Variants in SHISA6 observed in about 807,000 individuals in gnomAD.
The protein encoded by SHISA6 is shisa family member 6.
Under a neutral mutation model 47.9 loss-of-function variants are expected in SHISA6, and 22 were observed. That is an observed-to-expected ratio of 0.46 (90% confidence interval 0.33 to 0.66). The LOEUF (loss-of-function observed/expected upper bound fraction) is 0.66, where lower values mean the gene tolerates loss of function less well. SHISA6 is among the 30% of genes least tolerant of loss of function. SHISA6 has a pLI of 0.02. For missense variants in SHISA6, 680 were observed against 764.6 expected (o/e 0.89, Z 1.30); for synonymous variants, 388 against 337.8 (o/e 1.15, Z -1.63).
At chr17:11,249,269 C>T (rs1405064777) in intron 1 of SHISA6, among the ~76,000 whole-genome samples, 1 of 151,998 alleles carries the variant, frequency 6.6e-6, no homozygotes, top group African/African-American at 2.4e-5. Flanking sequence ...AGAGACCTCC[C>T]GCCATCCAGT....
At chr17:11,508,287 C>T (rs2071516871) in intron 3 of SHISA6, among the ~76,000 whole-genome samples, 1 of 152,146 alleles carries the variant, frequency 6.6e-6, no homozygotes, top group African/African-American at 2.4e-5. Flanking sequence ...TTTGGAAGTC[C>T]AAGATCAAAG....
chr17:11,302,378 A>T (rs943831313), intron 2 of SHISA6, among the ~76,000 whole-genome samples: 1 of 152,156 alleles, frequency 6.6e-6, no homozygotes, highest in Non-Finnish European at 1.5e-5. Context: ...GCACATGAGG[A>T]ATTTGCTCTT....
chr17:11,322,569 A>G (rs571651464), intron 2 of SHISA6, among the ~76,000 whole-genome samples: 3 of 152,356 alleles, frequency 2.0e-5, no homozygotes, highest in African/African-American at 7.2e-5. Context: ...TGCGAAGGAC[A>G]TGCTGAGGAC....
intron 3 of SHISA6, among the ~76,000 whole-genome samples, chr17:11,483,725 A>G (rs969180306): frequency 2.0e-5 from 3 of 152,184 alleles, no homozygotes; most frequent in African/African-American, 7.2e-5. Context: ...TGGGAGGCCA[A>G]GGTGGGAGGA....
chr17:11,343,099 G>T (rs1911592172), intron 2 of SHISA6, among the ~76,000 whole-genome samples: 1 of 152,178 alleles, frequency 6.6e-6, no homozygotes, highest in African/African-American at 2.4e-5. Flanking sequence ...TCTCATTCCA[G>T]TTCCTTCTTT....
intron 3 of SHISA6, chr17:11,379,718 A>G (rs1244607072): frequency 7.1e-6 from 3 of 423,978 alleles, no homozygotes; most frequent in Non-Finnish European, 1.3e-5. Context: ...GACTTCCAAG[A>G]GACACCCATC....
At chr17:11,531,094 A>G (rs1313223845) in intron 3 of SHISA6, among the ~76,000 whole-genome samples, 1 of 152,108 alleles carries the variant, frequency 6.6e-6, no homozygotes, top group African/African-American at 2.4e-5. Flanking sequence ...ATTGATAAAC[A>G]AAGAAACAGC....
rs868408147 is a variant in SHISA6, at chr17:11,445,892, A to G, written c.895+66383A>G. 9.2e-5 allele frequency among the ~76,000 whole-genome samples: 14 copies of G among 152,230 alleles called. No homozygotes were observed. The East Asian group carries it at 1.2e-3, about 13-fold the overall frequency. On this transcript the variant is annotated intron_variant, in intron 3 of 5. Transcript: ENST00000441885. ...GCCCAGGCTGGAGGGCAGTGGTGCA[A>G]TCTTGGCTCACTGCAACCTCTGCCT...
Position 11,350,157 on chromosome 17 carries a change from A to AATTTATTT in SHISA6, c.800-29236_800-29229dup, listed in dbSNP as rs542515657. ...CAGGCAGGCACCGCCATGCCCGGCT[A>AATTTATTT]ATTTATTTATTTATTTATTTATTTA... On this transcript the variant is annotated intron_variant, in intron 2 of 5. Transcript: ENST00000441885. Among the ~76,000 whole-genome samples, 74 of 128,400 alleles carry AATTTATTT rather than the reference A, an allele frequency of 5.8e-4. 2 individuals are homozygous for AATTTATTT. The highest frequency in any genetic ancestry group is 4.0e-3 in the Middle Eastern group (1 of 248). The allele number at this position is 128,400 out of a possible 152,430, so 84.2% of individuals were successfully genotyped here. A position where few individuals can be genotyped will look rare whatever the true frequency, so the allele number is the denominator to read the frequency against.
intron 2 of SHISA6, among the ~76,000 whole-genome samples, chr17:11,277,276 TCTCTCACACACACACACACACA>T (rs1908947107): frequency 1.6e-5 from 1 of 62,646 alleles, no homozygotes; most frequent in African/African-American, 5.3e-5. Flanking sequence ...TCTCTCTCTC[TCTCTCACACACACACACACACA>T]CACACACACA....
chr17:11,253,875 A>G (rs530453767), intron 1 of SHISA6, among the ~76,000 whole-genome samples: 1 of 151,986 alleles, frequency 6.6e-6, no homozygotes, highest in Non-Finnish European at 1.5e-5. Flanking sequence ...CTGAGAGGTT[A>G]TGGATCTGGA....
At chr17:11,310,283 T>C (rs572155197) in intron 2 of SHISA6, among the ~76,000 whole-genome samples, 1 of 152,358 alleles carries the variant, frequency 6.6e-6, no homozygotes, top group Non-Finnish European at 1.5e-5. Context: ...TTTACATATG[T>C]GTCATAATAC....
intron 3 of SHISA6, among the ~76,000 whole-genome samples, chr17:11,499,806 A>T (rs1459761235): frequency 6.6e-6 from 1 of 150,784 alleles, no homozygotes; most frequent in Non-Finnish European, 1.5e-5. Flanking sequence ...GGTTCAAGTG[A>T]TTCTCCTGCC....
chr17:11,349,716 T>A (rs923981368), intron 2 of SHISA6, among the ~76,000 whole-genome samples: 1 of 152,162 alleles, frequency 6.6e-6, no homozygotes, highest in African/African-American at 2.4e-5. Context: ...GTCAGTCAGC[T>A]CCACTATCTG....
intron 2 of SHISA6, among the ~76,000 whole-genome samples, chr17:11,293,320 G>GGC (rs1485606797): frequency 6.6e-6 from 1 of 152,100 alleles, no homozygotes; most frequent in Admixed American, 6.5e-5. Flanking sequence ...AGGTTACAGG[G>GGC]GCTATAGGAC....
intron 2 of SHISA6, among the ~76,000 whole-genome samples, chr17:11,359,715 C>T (rs754616234): frequency 1.1e-4 from 17 of 152,208 alleles, no homozygotes; most frequent in Non-Finnish European, 1.6e-4. Context: ...CCCTTGTCCA[C>T]GGATTGGTTT....
chr17:11,250,490 G>C (rs1907758558), intron 1 of SHISA6, among the ~76,000 whole-genome samples: 1 of 152,216 alleles, frequency 6.6e-6, no homozygotes, highest in Non-Finnish European at 1.5e-5. Flanking sequence ...ATGGAGCGAG[G>C]GTGGGGCAGG....
At chr17:11,345,668 A>G (rs141367327) in intron 2 of SHISA6, among the ~76,000 whole-genome samples, 114 of 152,184 alleles carry the variant, frequency 7.5e-4, no homozygotes, top group African/African-American at 2.4e-3. Context: ...TATAGTTTTC[A>G]GGGTACAGAT....
intron 3 of SHISA6, among the ~76,000 whole-genome samples, chr17:11,537,478 A>C (rs1458018132): frequency 6.6e-6 from 1 of 152,146 alleles, no homozygotes; most frequent in Admixed American, 6.5e-5. Context: ...ACTAATCTTC[A>C]AGCCGAAGTG....
Sources: gnomAD v4.1 joint callset for allele counts (sites outside exome capture counted in the v4.1 genomes callset) on GRCh38, gnomAD v4.1.1 for gene constraint, MANE v1.5 for transcripts, NCBI Gene and HGNC (gene_info 2026-07-23, HGNC 2026-07-21) for gene names.